NRP1: variants seen among roughly 807,000 people sequenced by gnomAD.
The protein encoded by NRP1 is neuropilin-1.
A neutral mutation model predicts 106.7 loss-of-function variants in NRP1; 35 were observed. That is an observed-to-expected ratio of 0.33 (90% CI 0.25 to 0.43). The LOEUF (loss-of-function observed/expected upper bound fraction) is 0.43, where lower values mean the gene tolerates loss of function less well. NRP1 is among the 20% of genes least tolerant of loss of function. The pLI is 1.00. For synonymous variants in NRP1, 437 were observed against 417.9 expected, an observed-to-expected ratio of 1.05 and a Z score of -0.56; for missense variants, 1,024 against 1,170.4, an observed-to-expected ratio of 0.87 and a Z score of 1.83.
At chr10:33,217,303 T>C (rs1838857600) in intron 8 of NRP1, among the ~76,000 whole-genome samples, 1 of 152,022 alleles carries the variant, frequency 6.6e-6, no homozygotes, top group South Asian at 2.1e-4. Flanking sequence ...GACTTAGTGA[T>C]GCCCTGTCCC....
intron 6 of NRP1, among the ~76,000 whole-genome samples, chr10:33,238,043 A>C (rs1443991536): frequency 2.0e-5 from 3 of 152,148 alleles, no homozygotes; most frequent in Non-Finnish European, 4.4e-5. Context: ...AGGACAATGA[A>C]ATCTTCCTTG....
intron 13 of NRP1, among the ~76,000 whole-genome samples, 192 bp downstream of exon 13, chr10:33,192,089 A>G (rs1352295061): frequency 6.6e-6 from 1 of 151,824 alleles, no homozygotes; most frequent in East Asian, 1.9e-4. Flanking sequence ...GGGCATTACT[A>G]TGATTTGCCC....
intron 2 of NRP1, among the ~76,000 whole-genome samples, chr10:33,272,166 A>G (rs1335084962): frequency 1.3e-5 from 2 of 152,220 alleles, no homozygotes; most frequent in Admixed American, 6.5e-5. Flanking sequence ...TCAGGAGACA[A>G]CTGCAACGAT....
At chr10:33,244,430 G>T (rs1588830231) in intron 6 of NRP1, among the ~76,000 whole-genome samples, 1 of 152,144 alleles carries the variant, frequency 6.6e-6, no homozygotes, top group South Asian at 2.1e-4. Context: ...TAAAATCTGT[G>T]CATGTTATGG....
At position 33,208,789 on chromosome 10, in the gene NRP1, C is replaced by A. The variant is rs1040207463; in HGVS notation, c.1615-1073G>T. Among the ~76,000 whole-genome samples the A allele has an allele frequency of 2.0e-5, 3 of 151,844 alleles. No homozygotes were observed. In the South Asian group the frequency reaches 6.2e-4, roughly 32 times the overall value. On this transcript the variant is annotated intron_variant, in intron 9 of 16. Coordinates refer to ENST00000374867, the MANE Select transcript of NRP1 (RefSeq NM_003873.7). ...ATGATATTGAAAAACCATAAAAGTT[C>A]CTCAATTGTTTATATAGAACCTAAT...
Position 33,334,462 on chromosome 10 carries a change from G to C in NRP1, c.-80C>G, listed in dbSNP as rs961252305. Reference sequence around the variant, plus strand: ...ATGCAGCAAAGAGGAGAATCTAAGCGATCCGAAGAGCCCCAACTCCGCCTA... The same window carrying C: ...ATGCAGCAAAGAGGAGAATCTAAGCCATCCGAAGAGCCCCAACTCCGCCTA... On this transcript the variant is annotated 5_prime_UTR_variant, in exon 1 of 17. In the 5' UTR this introduces an upstream ATG that the reference lacks. Transcript: ENST00000374867. The C allele has an allele frequency of 2.4e-6, 3 of 1,270,220 alleles. No homozygotes were observed. In the East Asian group the frequency reaches 7.6e-5, roughly 32 times the overall value. 78.7% of individuals were successfully genotyped at this position (1,270,220 alleles called of 1,614,324 possible).
intron 2 of NRP1, among the ~76,000 whole-genome samples, chr10:33,306,632 A>C (rs1164500045): frequency 6.6e-6 from 1 of 152,150 alleles, no homozygotes; most frequent in African/African-American, 2.4e-5. Context: ...TTTGTTATTT[A>C]CACTTTTGTT....
chr10:33,269,954 A>G (rs1843185315), intron 3 of NRP1, among the ~76,000 whole-genome samples: 1 of 152,258 alleles, frequency 6.6e-6, no homozygotes, highest in Non-Finnish European at 1.5e-5. Context: ...ATTTCATTAT[A>G]TATTACAAAG....
intron 2 of NRP1, among the ~76,000 whole-genome samples, chr10:33,274,156 A>G (rs1843515112): frequency 6.6e-6 from 1 of 152,182 alleles, no homozygotes; most frequent in Non-Finnish European, 1.5e-5. Context: ...CCCTTTTGCA[A>G]TTAAAAGGTA....
chr10:33,333,696 C>G (rs1263082354), intron 1 of NRP1, among the ~76,000 whole-genome samples: 1 of 152,204 alleles, frequency 6.6e-6, no homozygotes, highest in Non-Finnish European at 1.5e-5. Flanking sequence ...ATTTTAAAAG[C>G]TAAGTGGAAG....
At chr10:33,196,188 A>G (rs1270817711) in intron 12 of NRP1, among the ~76,000 whole-genome samples, 5 of 151,910 alleles carry the variant, frequency 3.3e-5, no homozygotes, top group Non-Finnish European at 4.4e-5. Context: ...AACGATCCCT[A>G]CCCCCTTTCA....
chr10:33,303,403 T>A (rs1845938918), intron 2 of NRP1, among the ~76,000 whole-genome samples: 1 of 152,244 alleles, frequency 6.6e-6, no homozygotes, highest in Admixed American at 6.5e-5. Context: ...TCTCATTATT[T>A]GGATAAACTT....
intron 2 of NRP1, among the ~76,000 whole-genome samples, chr10:33,302,037 G>T (rs1046411747): frequency 6.6e-6 from 1 of 152,044 alleles, no homozygotes; most frequent in African/African-American, 2.4e-5. Flanking sequence ...GAGAGAGAAA[G>T]GAGTTTTGAT....
chr10:33,334,564 C>T lies in NRP1; in HGVS notation c.-182G>A, dbSNP rs1158601252. Reference sequence around the variant, plus strand: ...GCCTGGATCCGAGAGGAACGCTTCTCTTTTTGTGTCTCAAGTCGCCTGCAT... The same window carrying T: ...GCCTGGATCCGAGAGGAACGCTTCTTTTTTTGTGTCTCAAGTCGCCTGCAT... On this transcript the variant is annotated 5_prime_UTR_variant, in exon 1 of 17. Coordinates refer to ENST00000374867, the MANE Select transcript of NRP1 (RefSeq NM_003873.7). 6 of 455,460 alleles carry T rather than the reference C, an allele frequency of 1.3e-5. 1 individual carries two copies. Among genetic ancestry groups the T allele is most frequent in the Middle Eastern group, 6.7e-4 (2 of 2,968 alleles). 28.2% of individuals were successfully genotyped at this position (455,460 alleles called of 1,614,324 possible). A position where few individuals can be genotyped will look rare whatever the true frequency, so the allele number is the denominator to read the frequency against.
intron 6 of NRP1, among the ~76,000 whole-genome samples, chr10:33,247,278 G>T (rs1480841982): frequency 6.6e-6 from 1 of 151,884 alleles, no homozygotes; most frequent in Non-Finnish European, 1.5e-5. Context: ...ATTTCCAAGG[G>T]CTCATAAGTT....
In NRP1 at chr10:33,241,230, C is replaced by G. The variant is rs138998514; in HGVS notation, c.981+12798G>C. Among the ~76,000 whole-genome samples, 151 of 152,212 alleles carry G rather than the reference C, an allele frequency of 9.9e-4. No homozygotes were observed. In the Middle Eastern group the frequency reaches 0.014, roughly 14 times the overall value. ...CCCAGTTATCTGTGGTTTCTGTGCT[C>G]CTCTTGGGAGAAAGGGGCAAGGCAT... On this transcript the variant is annotated intron_variant, in intron 6 of 16. Transcript: ENST00000374867.
At chr10:33,275,743 A>G (rs995003046) in intron 2 of NRP1, among the ~76,000 whole-genome samples, 18 of 41,600 alleles carry the variant, frequency 4.3e-4, no homozygotes, top group South Asian at 3.5e-3. Flanking sequence ...CCTTCTCTAC[A>G]ATTTTTTTTT....
chr10:33,225,609 G>C (rs1588771658), intron 7 of NRP1, among the ~76,000 whole-genome samples: 3 of 152,374 alleles, frequency 2.0e-5, no homozygotes, highest in Non-Finnish European at 4.4e-5. Context: ...TACGGAGGTA[G>C]TGTGTTATTT....
At chr10:33,221,137 G>A (rs566216162) in intron 8 of NRP1, among the ~76,000 whole-genome samples, 1 of 152,186 alleles carries the variant, frequency 6.6e-6, no homozygotes, top group East Asian at 1.9e-4. Flanking sequence ...CTTGAACCTG[G>A]AAGGTTGAGG....
Sources: gnomAD v4.1 joint callset for allele counts (sites outside exome capture counted in the v4.1 genomes callset) on GRCh38, gnomAD v4.1.1 for gene constraint, MANE v1.5 for transcripts, NCBI Gene and HGNC (gene_info 2026-07-23, HGNC 2026-07-21) for gene names.